UBP1: variants seen among roughly 807,000 people sequenced by gnomAD.
UBP1 encodes the protein upstream-binding protein 1.
Under a neutral mutation model 76.1 loss-of-function variants are expected in UBP1, and 22 were observed. The ratio of observed to expected loss-of-function variants is 0.29; its 90% confidence interval spans 0.21 to 0.41. The LOEUF (loss-of-function observed/expected upper bound fraction) is 0.41, where lower values mean the gene tolerates loss of function less well. Among genes scored for constraint, UBP1 ranks in the 10% least tolerant of loss-of-function variants. The pLI, the probability that UBP1 is intolerant of heterozygous loss-of-function variation, is 1.00. For missense variants in UBP1, 436 were observed against 668.1 expected (o/e 0.65, Z 3.83); for synonymous variants, 224 against 237.1 (o/e 0.94, Z 0.51).
chr3:33,428,600 C>G (rs2045060437), intron 1 of UBP1, among the ~76,000 whole-genome samples: 1 of 151,992 alleles, frequency 6.6e-6, no homozygotes, highest in South Asian at 2.1e-4. Flanking sequence ...ATGGTAAGTG[C>G]TAAACGACTC....
chr3:33,411,727 A>T, intron 4 of UBP1, 40 bp from the exon 5 acceptor site: 1 of 1,513,688 alleles, frequency 6.6e-7, no homozygotes, highest in Non-Finnish European at 9.2e-7. Flanking sequence ...CATCCACTTT[A>T]AATAACTTAA....
chr3:33,411,851 G>A (rs1424427852), intron 4 of UBP1, among the ~76,000 whole-genome samples, 164 bp from the exon 5 acceptor site: 2 of 151,950 alleles, frequency 1.3e-5, no homozygotes, highest in Non-Finnish European at 2.9e-5. Context: ...CACCCTAAAC[G>A]AATATCATCG....
intron 14 of UBP1, chr3:33,392,816 T>TGA (rs1428321286): frequency 2.0e-6 from 1 of 497,594 alleles, no homozygotes; most frequent in Admixed American, 4.0e-5. Flanking sequence ...TAATGGTCCC[T>TGA]GAGAGACCTG....
At chr3:33,425,853 C>T in intron 1 of UBP1, 112 bp from the exon 2 acceptor site, 1 of 939,498 alleles carries the variant, frequency 1.1e-6, no homozygotes, top group Non-Finnish European at 1.4e-6. Flanking sequence ...AGCATATAAA[C>T]ATTTAGGGAT....
chr3:33,434,456 C>T (rs2045170789), intron 1 of UBP1, among the ~76,000 whole-genome samples: 1 of 151,314 alleles, frequency 6.6e-6, no homozygotes, highest in African/African-American at 2.4e-5. Flanking sequence ...CGCTACCATG[C>T]CCAGCTAATT....
At chr3:33,396,998 A>G (rs747730836) in intron 12 of UBP1, 47 bp downstream of exon 12, 2 of 1,550,342 alleles carry the variant, frequency 1.3e-6, no homozygotes, top group Non-Finnish European at 1.8e-6. Context: ...CCCCACGCGA[A>G]GAAAGGTACA....
At chr3:33,395,038 A>C (rs1481525520) in intron 13 of UBP1, among the ~76,000 whole-genome samples, 1 of 152,166 alleles carries the variant, frequency 6.6e-6, no homozygotes, top group Non-Finnish European at 1.5e-5. Context: ...CTCCACAAAC[A>C]CTCATGTTTG....
intron 5 of UBP1, 79 bp downstream of exon 5, chr3:33,411,502 G>C (rs1439791960): frequency 2.5e-6 from 3 of 1,190,804 alleles, no homozygotes; most frequent in Non-Finnish European, 3.7e-6. Flanking sequence ...TAAAGGAAAT[G>C]ATACTGTATC....
chr3:33,416,416 C>T (rs2044730772), intron 3 of UBP1, among the ~76,000 whole-genome samples: 1 of 152,180 alleles, frequency 6.6e-6, no homozygotes, highest in Non-Finnish European at 1.5e-5. Context: ...TGAAACTTTA[C>T]AAGGTAAAGG....
intron 1 of UBP1, among the ~76,000 whole-genome samples, chr3:33,426,755 A>G (rs777589979): frequency 1.3e-5 from 2 of 152,136 alleles, no homozygotes; most frequent in South Asian, 4.1e-4. Flanking sequence ...ACATGTACCA[A>G]TGCTTCATTC....
intron 12 of UBP1, 148 bp downstream of exon 12, chr3:33,396,897 C>G: frequency 1.3e-6 from 1 of 761,152 alleles, no homozygotes; most frequent in Non-Finnish European, 2.3e-6. Context: ...GTACACAAAA[C>G]AGTCTTCTTG....
intron 15 of UBP1, 143 bp from the exon 16 acceptor site, chr3:33,390,511 C>T (rs1015003605): frequency 1.2e-6 from 1 of 820,532 alleles, no homozygotes; most frequent in Admixed American, 2.5e-5. Flanking sequence ...AGCAGATTAA[C>T]TTGCTCTAGC....
At chr3:33,401,910 ACTC>A (rs1309526445) in intron 9 of UBP1, among the ~76,000 whole-genome samples, 1 of 152,082 alleles carries the variant, frequency 6.6e-6, no homozygotes, top group Admixed American at 6.6e-5. Flanking sequence ...TCCTCTGGTC[ACTC>A]CTCTAATTTT....
At chr3:33,394,281 C>T (rs1000441976) in intron 13 of UBP1, among the ~76,000 whole-genome samples, 4 of 151,456 alleles carry the variant, frequency 2.6e-5, no homozygotes, top group African/African-American at 4.8e-5. Flanking sequence ...CCTGGGCTCA[C>T]GCAGTCTGCC....
intron 1 of UBP1, among the ~76,000 whole-genome samples, chr3:33,433,484 C>T (rs2045149932): frequency 6.6e-6 from 1 of 151,268 alleles, no homozygotes; most frequent in Admixed American, 6.6e-5. Flanking sequence ...GAAACCCCAC[C>T]TCTACTAAAA....
Position 33,396,229 on chromosome 3 carries a change from G to C in UBP1, c.1323C>G (p.Ser441Arg), listed in dbSNP as rs755150076. The C allele has an allele frequency of 1.3e-5, 21 of 1,593,514 alleles. No individual in the cohort carries two copies. The highest frequency in any genetic ancestry group is 4.0e-5 in the African/African-American group (3 of 74,624). Residue 441 changes from serine to arginine, a missense_variant, in exon 13 of 16, where the codon AGC becomes AGG. Around this residue, in one of 3 missense-constraint regions of UBP1, gnomAD observed 210 missense variants for 272.8 expected, o/e 0.77. Transcript: ENST00000283629. ...TIYVCREQPS[S>R]TVLQGQQQAA... Reference sequence around the variant, plus strand: ...CTTGCTGCTGCCCTTGCAGCACTGTGCTGCTTGGCTGCTCCCGGCAGACAT... The same window carrying C: ...CTTGCTGCTGCCCTTGCAGCACTGTCCTGCTTGGCTGCTCCCGGCAGACAT...
In UBP1 at chr3:33,439,810, G is replaced by C. The variant is rs576495940; in HGVS notation, c.39C>G (p.Ser13=). 1 of 1,612,566 alleles carries C rather than the reference G, an allele frequency of 6.2e-7. No individual in the cohort carries two copies. The highest frequency in any genetic ancestry group is 8.5e-7 in the Non-Finnish European group (1 of 1,179,666). ...TGGCGTCGAAGTCGTGCACCAGCCC[G>C]GACTCGATCACCTCGTCCATCTTGA... ...WVLKMDEVIE[S]GLVHDFDASL... is the part of the protein sequence containing the mutation. Residue 13 remains serine, a synonymous_variant, in exon 1 of 16, where the codon TCC becomes TCG. Transcript: ENST00000283629.
At position 33,389,627 on chromosome 3, in the gene UBP1, A is replaced by C. The variant is rs1355942009; in HGVS notation, c.*704T>G. Reference sequence around the variant, plus strand: ...GCAGAAGCAAAAAAGTTTTTCAATAAATCTGTGACAAAGCCAAAACACAAA... The same window carrying C: ...GCAGAAGCAAAAAAGTTTTTCAATACATCTGTGACAAAGCCAAAACACAAA... On this transcript the variant is annotated 3_prime_UTR_variant, in exon 16 of 16. Coordinates refer to ENST00000283629, the MANE Select transcript of UBP1 (RefSeq NM_014517.5). 3 of 152,264 alleles carry C rather than the reference A, an allele frequency of 2.0e-5. No individual in the cohort carries two copies. Among genetic ancestry groups the C allele is most frequent in the Non-Finnish European group, 2.9e-5 (2 of 68,036 alleles). The allele number at this position is 152,264 out of a possible 1,614,324, so 9.4% of individuals were successfully genotyped here.
chr3:33,416,340 C>A (rs965756445), intron 3 of UBP1, among the ~76,000 whole-genome samples: 2 of 152,116 alleles, frequency 1.3e-5, no homozygotes, highest in Non-Finnish European at 2.9e-5. Context: ...GCCTCCTATA[C>A]CTAGGATGAC....
Sources: gnomAD v4.1 joint callset for allele counts (sites outside exome capture counted in the v4.1 genomes callset) on GRCh38, gnomAD v4.1.1 for gene constraint, gnomAD v4.1.1 regional missense constraint, MANE v1.5 for transcripts, NCBI Gene and HGNC (gene_info 2026-07-23, HGNC 2026-07-21) for gene names.